IL1RAPL1: variants seen among roughly 807,000 people sequenced by gnomAD.
The protein encoded by IL1RAPL1 is interleukin-1 receptor accessory protein-like 1.
In IL1RAPL1, 3 loss-of-function variants were observed where a neutral mutation model predicts 48.4. The ratio of observed to expected loss-of-function variants is 0.06; its 90% CI spans 0.03 to 0.16. IL1RAPL1 has a LOEUF of 0.16. IL1RAPL1 is among the 10% of genes least tolerant of loss of function. The pLI, the probability that IL1RAPL1 is intolerant of heterozygous loss-of-function variation, is 1.00. For synonymous variants in IL1RAPL1, 185 were observed against 187.7 expected (o/e 0.99, Z 0.12); for missense variants, 349 against 530.6 (o/e 0.66, Z 3.36).
At chrX:29,073,624 G>C (rs1341222955) in intron 2 of IL1RAPL1, among the ~76,000 whole-genome samples, 3 of 111,004 alleles carry the variant, frequency 2.7e-5, no homozygotes, top group Non-Finnish European at 5.7e-5. Flanking sequence ...TCCATATACT[G>C]TCTGATTCTT....
chrX:29,548,580 G>T (rs923975575), intron 5 of IL1RAPL1, among the ~76,000 whole-genome samples: 1 of 111,741 alleles, frequency 8.9e-6, no homozygotes, highest in Non-Finnish European at 1.9e-5. Context: ...AAAATTAAAC[G>T]TGAAAGGTTT....
chrX:29,857,987 G>A (rs1041109553), intron 6 of IL1RAPL1, among the ~76,000 whole-genome samples: 4 of 111,724 alleles, frequency 3.6e-5, no homozygotes, highest in Non-Finnish European at 5.7e-5. Context: ...GAGTTTCATC[G>A]CTTGCTTTCA....
Position 29,443,231 on chromosome X carries a change from G to GCTCTCTCTCTCTCTCTCT in IL1RAPL1, c.703+43934_703+43951dup, listed in dbSNP as rs376805298. On this transcript the variant is annotated intron_variant, in intron 5 of 10. Transcript: ENST00000378993. ...GGAACTGAAGTGTGTGCTCTCGCTTGCTCTCTCTCTCTCTCTCTCTCTCTC... is the reference window on the plus strand; with the variant it reads ...GGAACTGAAGTGTGTGCTCTCGCTTGCTCTCTCTCTCTCTCTCTCTCTCTCTCTCTCTCTCTCTCTCTC... Among the ~76,000 whole-genome samples the GCTCTCTCTCTCTCTCTCT allele has an allele frequency of 6.6e-3, 620 of 93,940 alleles. 10 individuals are homozygous for GCTCTCTCTCTCTCTCTCT. The highest frequency in any genetic ancestry group is 0.018 in the African/African-American group (457 of 25,504). The allele number at this position is 93,940 out of a possible 115,157, so 81.6% of individuals were successfully genotyped here.
intron 8 of IL1RAPL1, among the ~76,000 whole-genome samples, chrX:29,920,347 T>G (rs1322773478): frequency 2.7e-5 from 3 of 111,348 alleles, no homozygotes; most frequent in African/African-American, 9.8e-5. Context: ...ACATTTAACT[T>G]CCCTAAGCTT....
At chrX:29,713,356 T>C (rs5928161) in intron 6 of IL1RAPL1, among the ~76,000 whole-genome samples, 37,481 of 110,419 alleles carry the variant, frequency 0.34, 4,961 homozygotes, top group South Asian at 0.49. Flanking sequence ...AAGACAAGAC[T>C]TGATTAAATT....
intron 2 of IL1RAPL1, among the ~76,000 whole-genome samples, chrX:29,077,617 A>AG (rs1569231873): frequency 1.1e-4 from 11 of 96,664 alleles, no homozygotes; most frequent in South Asian, 4.4e-4. Context: ...AGAAAAAAAA[A>AG]AAAAAGAAAA....
chrX:29,169,484 C>A (rs957222840), intron 2 of IL1RAPL1, among the ~76,000 whole-genome samples: 1 of 109,637 alleles, frequency 9.1e-6, no homozygotes, highest in South Asian at 3.8e-4. Context: ...ACAATTATAG[C>A]CAAAATCTCA....
chrX:29,601,063 C>T (rs756576901), intron 5 of IL1RAPL1, among the ~76,000 whole-genome samples: 1 of 111,460 alleles, frequency 9.0e-6, no homozygotes, highest in Non-Finnish European at 1.9e-5. Flanking sequence ...CAGCAGTGAT[C>T]GGGTTCCTTC....
At chrX:28,779,386 A>G (rs979293113) in intron 1 of IL1RAPL1, among the ~76,000 whole-genome samples, 1 of 108,457 alleles carries the variant, frequency 9.2e-6, no homozygotes, top group African/African-American at 3.3e-5. Context: ...GACTTTTTCT[A>G]TGCACCTTTG....
chrX:29,146,448 C>G (rs898305171), intron 2 of IL1RAPL1, among the ~76,000 whole-genome samples: 2 of 111,366 alleles, frequency 1.8e-5, no homozygotes, highest in Admixed American at 9.6e-5. Context: ...ATGTAATTTA[C>G]TATAGTTTTT....
chrX:28,966,207 G>A (rs1924915668), intron 2 of IL1RAPL1, among the ~76,000 whole-genome samples: 2 of 111,999 alleles, frequency 1.8e-5, no homozygotes, highest in South Asian at 7.3e-4. Context: ...CTGCTTTTCT[G>A]AGGAAATACA....
chrX:29,581,631 G>C (rs1000811863), intron 5 of IL1RAPL1, among the ~76,000 whole-genome samples: 14 of 111,467 alleles, frequency 1.3e-4, no homozygotes, highest in Middle Eastern at 4.6e-3. Flanking sequence ...AATCTTCCCT[G>C]GTATCCTGTA....
At chrX:29,854,810 G>T (rs1438671093) in intron 6 of IL1RAPL1, among the ~76,000 whole-genome samples, 1 of 110,519 alleles carries the variant, frequency 9.0e-6, no homozygotes, top group East Asian at 2.8e-4. Flanking sequence ...CAGGCACAAC[G>T]GTTCACCCAT....
chrX:29,065,978 A>G (rs1354106665), intron 2 of IL1RAPL1, among the ~76,000 whole-genome samples: 1 of 111,938 alleles, frequency 8.9e-6, no homozygotes, highest in Non-Finnish European at 1.9e-5. Flanking sequence ...GAACATGCTT[A>G]TATGGCTGCT....
At chrX:29,041,117 G>A (rs1926836968) in intron 2 of IL1RAPL1, among the ~76,000 whole-genome samples, 1 of 111,557 alleles carries the variant, frequency 9.0e-6, no homozygotes, top group African/African-American at 3.3e-5. Context: ...AGCAAATGTT[G>A]TTACTGAGTT....
At chrX:29,107,802 T>A (rs1372355860) in intron 2 of IL1RAPL1, among the ~76,000 whole-genome samples, 1 of 112,393 alleles carries the variant, frequency 8.9e-6, no homozygotes, top group Non-Finnish European at 1.9e-5. Context: ...ACTGCTAAAA[T>A]GCTGGTCGTT....
intron 2 of IL1RAPL1, among the ~76,000 whole-genome samples, chrX:28,859,737 A>C (rs1446044295): frequency 9.2e-6 from 1 of 108,435 alleles, no homozygotes; most frequent in East Asian, 2.9e-4. Context: ...GATATACAAT[A>C]ATATATAATT....
chrX:29,655,907 T>C (rs1925665941), intron 5 of IL1RAPL1, among the ~76,000 whole-genome samples: 1 of 111,814 alleles, frequency 8.9e-6, no homozygotes, highest in Non-Finnish European at 1.9e-5. Flanking sequence ...AACATGTTAA[T>C]TTTCCCTATG....
At chrX:29,160,507 T>C (rs754558932) in intron 2 of IL1RAPL1, among the ~76,000 whole-genome samples, 41 of 112,056 alleles carry the variant, frequency 3.7e-4, no homozygotes, top group Non-Finnish European at 6.2e-4. Flanking sequence ...CTAATAAAAC[T>C]ACTATTTTCT....
Sources: gnomAD v4.1 joint callset for allele counts (sites outside exome capture counted in the v4.1 genomes callset) on GRCh38, gnomAD v4.1.1 for gene constraint, MANE v1.5 for transcripts, NCBI Gene and HGNC (gene_info 2026-07-23, HGNC 2026-07-21) for gene names.